Variants in MCF2 observed in about 807,000 individuals in gnomAD.
MCF2 encodes the protein proto-oncogene DBL.
A neutral mutation model predicts 82.5 loss-of-function variants in MCF2; 44 were observed. The ratio of observed to expected loss-of-function variants is 0.53; its 90% CI spans 0.42 to 0.69. The LOEUF (loss-of-function observed/expected upper bound fraction) is 0.69. MCF2 is among the 30% of genes least tolerant of loss of function. The pLI is 0.00. For synonymous variants in MCF2, 217 were observed against 224.9 expected (o/e 0.96, Z 0.32); for missense variants, 623 against 663.1 (o/e 0.94, Z 0.66).
intron 17 of MCF2, 98 bp from the exon 22 acceptor site, chrX:139,597,683 T>C (rs113267167): frequency 1.5e-6 from 1 of 656,927 alleles, no homozygotes; most frequent in Non-Finnish European, 2.2e-6. Context: ...GGAATCCAAA[T>C]ATAATGTCAC....
chrX:139,660,669 T>C (rs1235132367), intron 1 of MCF2, among the ~76,000 whole-genome samples: 1 of 112,607 alleles, frequency 8.9e-6, no homozygotes, highest in African/African-American at 3.2e-5. Context: ...GAATTCCCAT[T>C]GGACTACAGT....
chrX:139,610,330 T>C, exon 11 of MCF2: 1 of 1,175,891 alleles, frequency 8.5e-7, no homozygotes. Flanking sequence ...TGTCTCCAAG[T>C]CTTCTTCCCT....
At chrX:139,623,427 C>A (rs1012159910) in intron 6 of MCF2, among the ~76,000 whole-genome samples, 6 of 111,474 alleles carry the variant, frequency 5.4e-5, no homozygotes, top group Admixed American at 3.8e-4. Flanking sequence ...TCTTTTGCAG[C>A]AACATGATGC....
At chrX:139,677,991 C>G (rs758932123) in intron 1 of MCF2, among the ~76,000 whole-genome samples, 54 of 110,892 alleles carry the variant, frequency 4.9e-4, no homozygotes, top group Non-Finnish European at 8.5e-4. Context: ...AGTGAAACTC[C>G]GTCTCTACTA....
intron 1 of MCF2, among the ~76,000 whole-genome samples, chrX:139,633,689 A>G (rs906962198): frequency 9.0e-6 from 1 of 110,834 alleles, no homozygotes; most frequent in Non-Finnish European, 1.9e-5. Flanking sequence ...GAGTCTCTAA[A>G]AGGTTTTGAG....
intron 15 of MCF2, among the ~76,000 whole-genome samples, chrX:139,604,379 A>C (rs1930813033): frequency 9.1e-6 from 1 of 110,259 alleles, no homozygotes; most frequent in African/African-American, 3.3e-5. Context: ...CAACTCTTAC[A>C]TCTTCATAGT....
chrX:139,608,398 G>A (rs1419631876), intron 11 of MCF2, among the ~76,000 whole-genome samples: 4 of 111,292 alleles, frequency 3.6e-5, no homozygotes, highest in Non-Finnish European at 1.9e-5. Flanking sequence ...GTCGCTATAA[G>A]TTGCCTCCCT....
chrX:139,684,708 C>T (rs753466611), intron 1 of MCF2, among the ~76,000 whole-genome samples: 1 of 111,682 alleles, frequency 9.0e-6, no homozygotes, highest in African/African-American at 3.3e-5. Context: ...GTGAAAGAAG[C>T]CAGTCACAAG....
intron 17 of MCF2, 30 bp from the exon 22 acceptor site, chrX:139,597,615 G>A: frequency 9.2e-7 from 1 of 1,088,124 alleles, no homozygotes; most frequent in Non-Finnish European, 1.2e-6. Context: ...ATTAATATTA[G>A]GCAGATATTA....
At chrX:139,598,299 T>G in intron 17 of MCF2, 107 bp downstream of exon 21, 4 of 502,639 alleles carry the variant, frequency 8.0e-6, no homozygotes, top group Non-Finnish European at 1.3e-5. Context: ...TCCCAGTCAT[T>G]GAGCCTACCT....
intron 1 of MCF2, among the ~76,000 whole-genome samples, chrX:139,694,262 A>G (rs1935336289): frequency 8.9e-6 from 1 of 111,903 alleles, no homozygotes; most frequent in African/African-American, 3.2e-5. Flanking sequence ...AAATACAAAA[A>G]TCAAAGAAGA....
chrX:139,613,239 T>C, intron 10 of MCF2: 1 of 1,151,832 alleles, frequency 8.7e-7, no homozygotes, highest in Admixed American at 2.6e-5. Flanking sequence ...TTTACATGCT[T>C]GAAAGAAAGA....
At chrX:139,672,009 C>A (rs1304855999) in intron 1 of MCF2, among the ~76,000 whole-genome samples, 5 of 111,389 alleles carry the variant, frequency 4.5e-5, no homozygotes, top group Non-Finnish European at 9.4e-5. Flanking sequence ...GTTTGTAGTT[C>A]TCCTTGAAGA....
intron 7 of MCF2, among the ~76,000 whole-genome samples, chrX:139,618,269 A>C (rs371133030): frequency 8.1e-5 from 9 of 110,570 alleles, no homozygotes; most frequent in African/African-American, 2.6e-4. Context: ...TGTCAAAATA[A>C]AATAAATAAA....
At chrX:139,648,726 C>T (rs2148522984) in intron 2 of MCF2, among the ~76,000 whole-genome samples, 1 of 111,688 alleles carries the variant, frequency 9.0e-6, no homozygotes, top group South Asian at 3.7e-4. Flanking sequence ...AAAGATATAC[C>T]ATGACAGTGC....
chrX:139,596,586 T>A (rs1458535320), exon 19 of MCF2: 1 of 1,210,315 alleles, frequency 8.3e-7, no homozygotes, highest in South Asian at 1.8e-5. Context: ...CGGGTATCTG[T>A]CAGAGCCTTC....
chrX:139,588,468 G>C, intron 20 of MCF2, 30 bp from the exon 25 acceptor site: 140 of 896,174 alleles, frequency 1.6e-4, no homozygotes, highest in Non-Finnish European at 2.1e-4. Flanking sequence ...CGGGAGGGAG[G>C]TGGTACACAT....
intron 16 of MCF2, among the ~76,000 whole-genome samples, chrX:139,600,484 A>T (rs73573987): frequency 0.016 from 1,793 of 111,061 alleles, 31 homozygotes; most frequent in African/African-American, 0.055. Flanking sequence ...TACAAGGTTC[A>T]ACTTAGGGCA....
intron 15 of MCF2, 48 bp from the exon 20 acceptor site, chrX:139,602,546 C>A: frequency 1.1e-6 from 1 of 894,751 alleles, no homozygotes; most frequent in Non-Finnish European, 1.6e-6. Flanking sequence ...GTGAATATGA[C>A]TTTTGCCATC....
Sources: gnomAD v4.1 joint callset for allele counts (sites outside exome capture counted in the v4.1 genomes callset) on GRCh38, gnomAD v4.1.1 for gene constraint, MANE v1.5 for transcripts, NCBI Gene and HGNC (gene_info 2026-07-23, HGNC 2026-07-21) for gene names.